UPB1: variants seen among roughly 807,000 people sequenced by gnomAD.
The protein encoded by UPB1 is beta-ureidopropionase.
In UPB1, 40 loss-of-function variants were observed where a neutral mutation model predicts 49.1. The observed-to-expected ratio is 0.81, with a 90% CI of 0.63 to 1.06. The LOEUF (loss-of-function observed/expected upper bound fraction) is 1.06. UPB1 is among the 50% of genes least tolerant of loss of function. The pLI, the probability that UPB1 is intolerant of heterozygous loss-of-function variation, is 0.00. For synonymous variants in UPB1, 207 were observed against 198.2 expected (o/e 1.04, Z -0.38); for missense variants, 499 against 505.9 (o/e 0.99, Z 0.13).
At chr22:24,515,895 G>T (rs1266503933) in intron 6 of UPB1, among the ~76,000 whole-genome samples, 3 of 152,218 alleles carry the variant, frequency 2.0e-5, no homozygotes, top group African/African-American at 7.2e-5. Context: ...AGAATCACTT[G>T]AACTTGGGAG....
At chr22:24,512,146 A>T (rs2044218024) in intron 4 of UPB1, among the ~76,000 whole-genome samples, 1 of 152,148 alleles carries the variant, frequency 6.6e-6, no homozygotes, top group Non-Finnish European at 1.5e-5. Flanking sequence ...GAAAAAAAAA[A>T]ATCTCTCATT....
chr22:24,522,986 G>A (rs1227987336), intron 8 of UPB1, among the ~76,000 whole-genome samples: 1 of 150,392 alleles, frequency 6.6e-6, no homozygotes, highest in African/African-American at 2.5e-5. Flanking sequence ...GGGGCTGAGC[G>A]AGTCTGTTTT....
chr22:24,522,554 G>A (rs1487319494), intron 8 of UPB1, among the ~76,000 whole-genome samples: 1 of 152,032 alleles, frequency 6.6e-6, no homozygotes, highest in Admixed American at 6.6e-5. Flanking sequence ...GAGGGAGGTA[G>A]GGACTGCCCC....
At chr22:24,523,255 G>A (rs890109592) in intron 8 of UPB1, among the ~76,000 whole-genome samples, 4 of 152,212 alleles carry the variant, frequency 2.6e-5, no homozygotes, top group Non-Finnish European at 5.9e-5. Context: ...TAAGGGTGAC[G>A]CAGCTGGCAA....
intron 3 of UPB1, among the ~76,000 whole-genome samples, chr22:24,507,950 GC>G (rs2044120080): frequency 6.6e-6 from 1 of 151,850 alleles, no homozygotes; most frequent in Non-Finnish European, 1.5e-5. Flanking sequence ...ACCTCCTCCA[GC>G]CCCCCAATAT....
chr22:24,523,915 A>ATC (rs1175154420), intron 9 of UPB1, 142 bp downstream of exon 9: 1 of 1,279,028 alleles, frequency 7.8e-7, no homozygotes, highest in African/African-American at 1.5e-5. Flanking sequence ...TGAGGGCTGA[A>ATC]TCTCTGCCTC....
At chr22:24,501,179 A>G (rs983434347) in intron 2 of UPB1, among the ~76,000 whole-genome samples, 1 of 152,196 alleles carries the variant, frequency 6.6e-6, no homozygotes, top group African/African-American at 2.4e-5. Context: ...GCGTTTTGCT[A>G]ACACCAAGCA....
Position 24,495,339 on chromosome 22 carries a change from T to G in UPB1, c.-65T>G, listed in dbSNP as rs886057288. The G allele has an allele frequency of 1.9e-6, 3 of 1,570,828 alleles. No homozygotes were observed. In the African/African-American group the frequency reaches 4.0e-5, roughly 21 times the overall value. ...GGGCGCCTGACCGGGCCTGGGCACC[T>G]CCTCCCACTGCGGGCAAAGGGCAGG... is the stretch of plus-strand genomic sequence containing the variant. On this transcript the variant is annotated 5_prime_UTR_variant, in exon 1 of 10. Coordinates refer to ENST00000326010, the MANE Select transcript of UPB1 (RefSeq NM_016327.3).
rs1456438552 is a variant in UPB1, at chr22:24,515,198, C to T, written c.622-3C>T. The T allele has an allele frequency of 1.2e-6, 2 of 1,614,134 alleles. No individual in the cohort carries two copies. The highest frequency in any genetic ancestry group is 1.1e-5 in the South Asian group (1 of 91,080). ...CATCAGTATATGGCCCTTTGCTTTT[C>T]AGTCAACTTACTACATGGAGGGAAA... On this transcript the variant is annotated splice_polypyrimidine_tract_variant and splice_region_variant and intron_variant, in intron 5 of 9. Transcript: ENST00000326010.
At chr22:24,501,994 A>G (rs1309784389) in intron 2 of UPB1, 132 bp from the exon 3 acceptor site, 4 of 883,226 alleles carry the variant, frequency 4.5e-6, no homozygotes, top group Admixed American at 1.9e-5. Context: ...ATAACCAAAT[A>G]TAGAACCTCC....
chr22:24,495,739 C>G (rs1187426767), intron 1 of UPB1, among the ~76,000 whole-genome samples: 1 of 152,120 alleles, frequency 6.6e-6, no homozygotes, highest in South Asian at 2.1e-4. Context: ...TTGCCCAGAA[C>G]CGGAAGGAAA....
At chr22:24,504,927 T>G (rs4414772) in intron 3 of UPB1, among the ~76,000 whole-genome samples, 3 of 97,102 alleles carry the variant, frequency 3.1e-5, no homozygotes, top group African/African-American at 1.1e-4. Context: ...TTTTTTTTTG[T>G]AAAGATGAGA....
intron 8 of UPB1, 99 bp downstream of exon 8, chr22:24,522,127 A>G: frequency 7.1e-7 from 1 of 1,398,822 alleles, no homozygotes; most frequent in Non-Finnish European, 1.0e-6. Flanking sequence ...CACAGATCAC[A>G]TCTGCATGCC....
intron 6 of UPB1, among the ~76,000 whole-genome samples, chr22:24,517,660 T>C (rs2044320408): frequency 6.6e-6 from 1 of 152,244 alleles, no homozygotes; most frequent in Non-Finnish European, 1.5e-5. Context: ...TGCTATGTCC[T>C]CAGCAGCCTA....
intron 3 of UPB1, among the ~76,000 whole-genome samples, chr22:24,504,925 T>G (rs2044062394): frequency 8.7e-6 from 1 of 115,540 alleles, no homozygotes; most frequent in South Asian, 2.6e-4. Flanking sequence ...TTTTTTTTTT[T>G]GTAAAGATGA....
chr22:24,523,912 T>C, intron 9 of UPB1, 139 bp downstream of exon 9: 2 of 1,300,094 alleles, frequency 1.5e-6, no homozygotes, highest in Non-Finnish European at 2.2e-6. Context: ...AGCTGAGGGC[T>C]GAATCTCTGC....
Position 24,500,104 on chromosome 22 carries a change from T to C in UPB1, c.105-3T>C. On this transcript the variant is annotated splice_polypyrimidine_tract_variant and splice_region_variant and intron_variant, in intron 1 of 9. Transcript: ENST00000326010. ...CCTTCCCTCTTTTTTCCTGCCCATC[T>C]AGGAAGCTTGATCTGCCCAGGGAAG... is the stretch of plus-strand genomic sequence containing the variant. 1.2e-6 allele frequency: 2 copies of C among 1,614,118 alleles called. No homozygotes were observed. The highest frequency in any genetic ancestry group is 8.5e-7 in the Non-Finnish European group (1 of 1,180,026).
In UPB1 at chr22:24,510,733, T is replaced by C; in HGVS notation, c.365-16T>C. On this transcript the variant is annotated splice_polypyrimidine_tract_variant and intron_variant, in intron 3 of 9. Transcript: ENST00000326010. ...GTGCATGTTGGATATAATTCTGCCC[T>C]TTCTCCTATTTATAGCTATGCCCTT... The C allele has an allele frequency of 6.2e-7, 1 of 1,613,630 alleles. No individual in the cohort carries two copies. Among genetic ancestry groups the C allele is most frequent in the Non-Finnish European group, 8.5e-7 (1 of 1,179,586 alleles).
At chr22:24,509,376 A>G (rs1296429252) in intron 3 of UPB1, among the ~76,000 whole-genome samples, 15 of 48,462 alleles carry the variant, frequency 3.1e-4, no homozygotes, top group African/African-American at 7.1e-4. Flanking sequence ...AAAAAAAAAA[A>G]AAAAAAAAAA....
Sources: allele counts gnomAD v4.1 joint callset (sites outside exome capture counted in the v4.1 genomes callset), GRCh38; gene constraint gnomAD v4.1.1; transcripts MANE v1.5; gene names NCBI Gene and HGNC (gene_info 2026-07-23, HGNC 2026-07-21).